SH3KBP1: variants seen among roughly 807,000 people sequenced by gnomAD.
SH3KBP1 encodes SH3 domain containing kinase binding protein 1, also known as SH3 domain-containing kinase-binding protein 1.
In SH3KBP1, 8 loss-of-function variants were observed where a neutral mutation model predicts 50.1. The observed-to-expected ratio is 0.16, with a 90% confidence interval of 0.09 to 0.29. The LOEUF (loss-of-function observed/expected upper bound fraction) is 0.29. Among genes scored for constraint, SH3KBP1 ranks in the 10% least tolerant of loss-of-function variants. The pLI is 1.00. For missense variants in SH3KBP1, 377 were observed against 535.2 expected, an observed-to-expected ratio of 0.70 and a Z score of 2.92; for synonymous variants, 227 against 218.6, an observed-to-expected ratio of 1.04 and a Z score of -0.34.
chrX:19,793,269 G>C (rs1440253194), intron 2 of SH3KBP1, among the ~76,000 whole-genome samples: 2 of 106,271 alleles, frequency 1.9e-5, no homozygotes, highest in East Asian at 2.9e-4. Flanking sequence ...CTGCACTCTG[G>C]CCTAGGTGAC....
intron 13 of SH3KBP1, among the ~76,000 whole-genome samples, chrX:19,567,543 A>ATATAT (rs2065882359): frequency 1.4e-5 from 1 of 71,181 alleles, no homozygotes; most frequent in African/African-American, 7.0e-5. Flanking sequence ...AAAAAAAAAA[A>ATATAT]AAAAAAAAAA....
intron 9 of SH3KBP1, among the ~76,000 whole-genome samples, chrX:19,607,543 C>T (rs2067277046): frequency 8.9e-6 from 1 of 112,190 alleles, no homozygotes; most frequent in South Asian, 3.7e-4. Flanking sequence ...CTCAGCCTTA[C>T]AATGTGCTTT....
At chrX:19,829,020 A>G (rs1192117921) in intron 2 of SH3KBP1, among the ~76,000 whole-genome samples, 9 of 111,519 alleles carry the variant, frequency 8.1e-5, no homozygotes, top group African/African-American at 2.9e-4. Context: ...ACAACTTTAC[A>G]CAGAGAAAAA....
intron 10 of SH3KBP1, among the ~76,000 whole-genome samples, chrX:19,594,079 T>C (rs2066826785): frequency 8.9e-6 from 1 of 112,587 alleles, no homozygotes; most frequent in African/African-American, 3.2e-5. Context: ...TTAATAAGTT[T>C]ATAAATAAAC....
At chrX:19,668,999 G>T (rs2062711467) in intron 6 of SH3KBP1, among the ~76,000 whole-genome samples, 1 of 80,214 alleles carries the variant, frequency 1.2e-5, no homozygotes, top group Non-Finnish European at 2.4e-5. Context: ...CTGTCACTCT[G>T]TCACCCAGGC....
At chrX:19,712,509 T>C (rs2063800668) in intron 3 of SH3KBP1, among the ~76,000 whole-genome samples, 1 of 111,378 alleles carries the variant, frequency 9.0e-6, no homozygotes, top group Non-Finnish European at 1.9e-5. Context: ...AAAAGAACAT[T>C]GACAAATACA....
rs57101774 is a variant in SH3KBP1 at position 19,878,125 on chromosome X, A to G, written c.4+9182T>C. Among the ~76,000 whole-genome samples the G allele has an allele frequency of 1.4e-3, 153 of 111,821 alleles. 1 individual carries two copies. Among genetic ancestry groups the G allele is most frequent in the Middle Eastern group, 4.6e-3 (1 of 218 alleles). On this transcript the variant is annotated intron_variant, in intron 1 of 17. Transcript: ENST00000397821. ...TGAAAACTACAGAACTGCCTGCAAG[A>G]TATTTATCCATAAGATAATGATCAA...
At chrX:19,610,591 C>T (rs1256863504) in intron 8 of SH3KBP1, among the ~76,000 whole-genome samples, 1 of 111,947 alleles carries the variant, frequency 8.9e-6, no homozygotes, top group Non-Finnish European at 1.9e-5. Flanking sequence ...TATTTAAGCT[C>T]TGTAAGCACC....
chrX:19,585,555 A>G (rs1022274320), intron 12 of SH3KBP1, among the ~76,000 whole-genome samples: 4 of 111,476 alleles, frequency 3.6e-5, no homozygotes, highest in Admixed American at 2.9e-4. Context: ...AGAGGAGGGC[A>G]TGCTAACAGG....
At chrX:19,880,327 C>T (rs1333892512) in intron 1 of SH3KBP1, among the ~76,000 whole-genome samples, 4 of 112,195 alleles carry the variant, frequency 3.6e-5, no homozygotes, top group Non-Finnish European at 7.5e-5. Context: ...AAGTTGTAAC[C>T]GTATTTGGGT....
chrX:19,666,915 A>G (rs2062613675), intron 6 of SH3KBP1, among the ~76,000 whole-genome samples: 2 of 112,636 alleles, frequency 1.8e-5, no homozygotes, highest in South Asian at 7.3e-4. Flanking sequence ...TTGTAGCATT[A>G]TTCACAACAG....
intron 7 of SH3KBP1, among the ~76,000 whole-genome samples, chrX:19,635,984 C>T (rs1356057058): frequency 5.4e-5 from 6 of 111,511 alleles, no homozygotes; most frequent in Non-Finnish European, 1.1e-4. Flanking sequence ...AATTCCACAT[C>T]CTTTGGATGT....
chrX:19,622,780 C>T lies in SH3KBP1; in HGVS notation c.897+9084G>A, dbSNP rs183625465. Among the ~76,000 whole-genome samples, 475 of 112,350 alleles carry T rather than the reference C, an allele frequency of 4.2e-3. 7 individuals carry two copies. The highest frequency in any genetic ancestry group is 0.014 in the African/African-American group (431 of 30,958). ...GTCGAGGGCCAGGCCGAGTGGCTCACGCCTGTAATCCCAGCACTTTGGGAG... is the reference window on the plus strand; with the variant it reads ...GTCGAGGGCCAGGCCGAGTGGCTCATGCCTGTAATCCCAGCACTTTGGGAG... On this transcript the variant is annotated intron_variant, in intron 8 of 17. Transcript: ENST00000397821.
At chrX:19,656,987 A>G (rs189258435) in intron 6 of SH3KBP1, among the ~76,000 whole-genome samples, 27 of 112,151 alleles carry the variant, frequency 2.4e-4, no homozygotes, top group Admixed American at 2.3e-3. Context: ...AAATTTCCAG[A>G]GCTTTTCTGT....
chrX:19,719,589 T>G (rs1797002523), intron 3 of SH3KBP1, among the ~76,000 whole-genome samples: 1 of 111,303 alleles, frequency 9.0e-6, no homozygotes, highest in Non-Finnish European at 1.9e-5. Flanking sequence ...CATGAAGAAC[T>G]CAACATCCTC....
chrX:19,592,312 A>G (rs769694045), intron 10 of SH3KBP1, among the ~76,000 whole-genome samples, 165 bp from the exon 11 acceptor site: 1 of 111,794 alleles, frequency 8.9e-6, no homozygotes, highest in South Asian at 3.8e-4. Context: ...GAAACAGAGC[A>G]GAAGACATTT....
chrX:19,547,464 G>A (rs183568184), intron 14 of SH3KBP1, among the ~76,000 whole-genome samples: 1 of 111,782 alleles, frequency 8.9e-6, no homozygotes, highest in Non-Finnish European at 1.9e-5. Flanking sequence ...GAAACCTAAT[G>A]CATTTTAGGG....
At chrX:19,568,042 C>T (rs961751671) in intron 13 of SH3KBP1, among the ~76,000 whole-genome samples, 1 of 110,463 alleles carries the variant, frequency 9.1e-6, no homozygotes, top group Non-Finnish European at 1.9e-5. Flanking sequence ...ATCTAAAAAT[C>T]AAAGCAATTG....
At chrX:19,789,498 G>A (rs1158607996) in intron 2 of SH3KBP1, among the ~76,000 whole-genome samples, 1 of 109,998 alleles carries the variant, frequency 9.1e-6, no homozygotes, top group Non-Finnish European at 1.9e-5. Flanking sequence ...GGTTTCTCCT[G>A]GGGCCCCTCT....
Sources: allele counts gnomAD v4.1 joint callset (sites outside exome capture counted in the v4.1 genomes callset), GRCh38; gene constraint gnomAD v4.1.1; transcripts MANE v1.5; gene names NCBI Gene and HGNC (gene_info 2026-07-23, HGNC 2026-07-21).